WDR43: variants seen among roughly 807,000 people sequenced by gnomAD.
WDR43 encodes WD repeat-containing protein 43.
WDR43 carries 13 observed loss-of-function variants against 91.4 expected under a neutral mutation model. That is an observed-to-expected ratio of 0.14 (90% CI 0.09 to 0.23). The LOEUF (loss-of-function observed/expected upper bound fraction) is 0.23. Ranked by LOEUF, WDR43 falls within the 10% of genes least tolerant of loss-of-function variation. The pLI, the probability that WDR43 is intolerant of heterozygous loss-of-function variation, is 1.00. For missense variants in WDR43, 780 were observed against 809.4 expected, an observed-to-expected ratio of 0.96 and a Z score of 0.44; for synonymous variants, 331 against 287.9, an observed-to-expected ratio of 1.15 and a Z score of -1.51.
intron 1 of WDR43, among the ~76,000 whole-genome samples, 200 bp from the exon 2 acceptor site, chr2:28,901,787 C>T (rs1036038066): frequency 1.3e-5 from 2 of 151,920 alleles, no homozygotes; most frequent in East Asian, 1.9e-4. Context: ...GGGTGGGAGA[C>T]GGGGGACATA....
chr2:28,910,476 T>A (rs945416873), intron 3 of WDR43, among the ~76,000 whole-genome samples: 1 of 152,116 alleles, frequency 6.6e-6, no homozygotes, highest in African/African-American at 2.4e-5. Context: ...AATTTCGTGT[T>A]TATCAACAAT....
At chr2:28,900,142 G>GTTTT (rs1235746608) in intron 1 of WDR43, among the ~76,000 whole-genome samples, 2 of 152,106 alleles carry the variant, frequency 1.3e-5, no homozygotes, top group African/African-American at 4.8e-5. Flanking sequence ...CATTTAGATA[G>GTTTT]TTTTTATTTG....
intron 11 of WDR43, among the ~76,000 whole-genome samples, chr2:28,932,609 C>T (rs1671269730): frequency 6.6e-6 from 1 of 152,140 alleles, no homozygotes; most frequent in Non-Finnish European, 1.5e-5. Context: ...TTCCCAAAAG[C>T]TGCCTTATGA....
At chr2:28,932,924 G>A (rs1055909748) in intron 11 of WDR43, among the ~76,000 whole-genome samples, 1 of 152,064 alleles carries the variant, frequency 6.6e-6, no homozygotes, top group African/African-American at 2.4e-5. Flanking sequence ...AATACCTAGG[G>A]TATATCTAAA....
intron 3 of WDR43, 24 bp downstream of exon 3, chr2:28,906,605 G>C (rs1192160456): frequency 6.2e-7 from 1 of 1,607,694 alleles, no homozygotes; most frequent in East Asian, 2.2e-5. Flanking sequence ...ATGGTATCAG[G>C]AAATGCAATA....
At chr2:28,907,925 G>T (rs1670716867) in intron 3 of WDR43, among the ~76,000 whole-genome samples, 1 of 151,016 alleles carries the variant, frequency 6.6e-6, no homozygotes, top group African/African-American at 2.4e-5. Flanking sequence ...GCCACTGCAG[G>T]TCAGTGTCTC....
intron 6 of WDR43, among the ~76,000 whole-genome samples, chr2:28,919,701 A>G (rs1670984812): frequency 6.6e-6 from 1 of 152,142 alleles, no homozygotes; most frequent in Non-Finnish European, 1.5e-5. Flanking sequence ...AATTACAATA[A>G]TGATTTAATG....
chr2:28,929,505 A>T (rs1002673327), intron 10 of WDR43, 74 bp from the exon 11 acceptor site: 81 of 1,224,442 alleles, frequency 6.6e-5, no homozygotes, highest in East Asian at 6.3e-4. Flanking sequence ...ATTTTATTTT[A>T]TTTTATTTTT....
chr2:28,915,724 A>G (rs559465107), intron 5 of WDR43, among the ~76,000 whole-genome samples: 2 of 152,346 alleles, frequency 1.3e-5, no homozygotes, highest in Admixed American at 6.5e-5. Context: ...TGTGGATATA[A>G]CATTCGAAGG....
At chr2:28,896,397 A>C (rs1019704521) in intron 1 of WDR43, among the ~76,000 whole-genome samples, 2 of 152,214 alleles carry the variant, frequency 1.3e-5, no homozygotes, top group African/African-American at 4.8e-5. Context: ...TGCAGAGAAC[A>C]CTTAGAATAG....
intron 5 of WDR43, among the ~76,000 whole-genome samples, chr2:28,915,955 C>T (rs528158085): frequency 6.6e-6 from 1 of 152,276 alleles, no homozygotes; most frequent in African/African-American, 2.4e-5. Flanking sequence ...TGATTTGAAT[C>T]ATGTTTGTAA....
intron 7 of WDR43, 104 bp downstream of exon 7, chr2:28,923,087 A>G (rs1337019321): frequency 4.1e-6 from 4 of 981,610 alleles, no homozygotes; most frequent in Admixed American, 5.9e-5. Flanking sequence ...CTATTCAGCC[A>G]GATTATTTTG....
At position 28,935,618 on chromosome 2, in the gene WDR43, G is replaced by C. The variant is rs751527325; in HGVS notation, c.1524+11G>C. 1 of 1,553,694 alleles carries C rather than the reference G, an allele frequency of 6.4e-7. No homozygotes were observed. The highest frequency in any genetic ancestry group is 8.7e-7 in the Non-Finnish European group (1 of 1,148,406). ...CCGTTGTTACAAGAGGTAACTGACT[G>C]CTTTTTTCATTTCAGCATCCTAATG... On this transcript the variant is annotated intron_variant, in intron 12 of 17. Transcript: ENST00000407426.
chr2:28,903,152 G>A (rs1476070153), intron 2 of WDR43, among the ~76,000 whole-genome samples: 2 of 151,758 alleles, frequency 1.3e-5, no homozygotes, highest in Non-Finnish European at 2.9e-5. Flanking sequence ...TCTTATATTT[G>A]TCAATAACTG....
chr2:28,895,069 C>G (rs1229187193), intron 1 of WDR43, 146 bp downstream of exon 1: 2 of 780,710 alleles, frequency 2.6e-6, no homozygotes, highest in African/African-American at 1.8e-5. Flanking sequence ...GCGTTCAGGG[C>G]CCAAGCCGCC....
At chr2:28,910,271 C>T (rs1311316816) in intron 3 of WDR43, among the ~76,000 whole-genome samples, 1 of 152,128 alleles carries the variant, frequency 6.6e-6, no homozygotes, top group South Asian at 2.1e-4. Context: ...AGCTTATCAG[C>T]CTCGTCTAGG....
intron 8 of WDR43, among the ~76,000 whole-genome samples, chr2:28,925,976 A>G (rs1424282077): frequency 6.6e-6 from 1 of 152,154 alleles, no homozygotes; most frequent in Non-Finnish European, 1.5e-5. Flanking sequence ...GGTTTGCTGC[A>G]TCTGACTCCC....
intron 2 of WDR43, among the ~76,000 whole-genome samples, chr2:28,902,480 G>T (rs550158144): frequency 6.6e-6 from 1 of 152,310 alleles, no homozygotes; most frequent in South Asian, 2.1e-4. Flanking sequence ...ATCTTTTAGG[G>T]GCAAGTGTTG....
chr2:28,905,087 C>A, intron 2 of WDR43: 1 of 152,080 alleles, frequency 6.6e-6, no homozygotes, highest in Non-Finnish European at 1.5e-5. Context: ...AGAATCCTTT[C>A]AAGGGTGGGG....
Sources: allele counts gnomAD v4.1 joint callset (sites outside exome capture counted in the v4.1 genomes callset), GRCh38; gene constraint gnomAD v4.1.1; transcripts MANE v1.5; gene names NCBI Gene and HGNC (gene_info 2026-07-23, HGNC 2026-07-21).